The following KPNA1 variants were observed in gnomAD, a reference collection of about 807,000 sequenced individuals.
KPNA1 encodes karyopherin subunit alpha 1.
A neutral mutation model predicts 70.5 loss-of-function variants in KPNA1; 10 were observed. The ratio of observed to expected loss-of-function variants is 0.14; its 90% confidence interval spans 0.09 to 0.24. The LOEUF (loss-of-function observed/expected upper bound fraction) is 0.24. KPNA1 is among the 10% of genes least tolerant of loss of function. The pLI is 1.00. For synonymous variants in KPNA1, 192 were observed against 221.9 expected (o/e 0.87, Z 1.20); for missense variants, 397 against 637.9 (o/e 0.62, Z 4.07).
chr3:122,486,975 T>C (rs1407931372), intron 2 of KPNA1, among the ~76,000 whole-genome samples: 1 of 152,186 alleles, frequency 6.6e-6, no homozygotes, highest in Non-Finnish European at 1.5e-5. Context: ...ATCAAGCATT[T>C]CTCTGTCCTG....
chr3:122,451,128 C>T (rs1342969475), intron 8 of KPNA1, among the ~76,000 whole-genome samples: 1 of 151,984 alleles, frequency 6.6e-6, no homozygotes, highest in Non-Finnish European at 1.5e-5. Flanking sequence ...ACCACCTGTT[C>T]CCCAAAAACC....
At chr3:122,429,231 ACCTGAGGTC>A (rs2075864755) in intron 12 of KPNA1, among the ~76,000 whole-genome samples, 1 of 152,110 alleles carries the variant, frequency 6.6e-6, no homozygotes, top group Non-Finnish European at 1.5e-5. Context: ...CGGGTGGATC[ACCTGAGGTC>A]AGGAGTTCAA....
At chr3:122,453,726 G>A (rs1022977247) in intron 6 of KPNA1, 144 bp downstream of exon 6, 10 of 614,686 alleles carry the variant, frequency 1.6e-5, no homozygotes, top group Admixed American at 3.7e-5. Flanking sequence ...TAGTAGAGAC[G>A]GGATTTCACC....
intron 1 of KPNA1, among the ~76,000 whole-genome samples, chr3:122,511,226 C>T (rs2076951306): frequency 6.6e-6 from 1 of 152,184 alleles, no homozygotes; most frequent in Admixed American, 6.5e-5. Flanking sequence ...TGACCCCAAG[C>T]TGCCTATTCT....
chr3:122,470,145 T>C (rs2076424539), intron 2 of KPNA1, among the ~76,000 whole-genome samples: 1 of 152,224 alleles, frequency 6.6e-6, no homozygotes, highest in Non-Finnish European at 1.5e-5. Flanking sequence ...AAAATTTTGT[T>C]TAAAATAGCA....
chr3:122,496,348 A>ACACACACACT (rs958829617), intron 2 of KPNA1, 89 bp downstream of exon 2: 2 of 1,193,552 alleles, frequency 1.7e-6, no homozygotes, highest in African/African-American at 1.5e-5. Context: ...ACACACACAC[A>ACACACACACT]CCCCAACTTT....
intron 2 of KPNA1, among the ~76,000 whole-genome samples, chr3:122,468,857 T>C (rs1193388953): frequency 2.0e-5 from 3 of 152,148 alleles, no homozygotes; most frequent in African/African-American, 4.8e-5. Context: ...GCTAAGGAAA[T>C]AATCTCTGAG....
At chr3:122,427,903 T>C (rs1319351797) in intron 12 of KPNA1, among the ~76,000 whole-genome samples, 187 bp from the exon 13 acceptor site, 2 of 152,126 alleles carry the variant, frequency 1.3e-5, no homozygotes, top group East Asian at 1.9e-4. Flanking sequence ...AAATAAATTA[T>C]CCCAAACCAG....
intron 3 of KPNA1, among the ~76,000 whole-genome samples, chr3:122,466,244 A>G (rs2076378743): frequency 7.0e-6 from 1 of 142,536 alleles, no homozygotes; most frequent in African/African-American, 2.5e-5. Flanking sequence ...GCCACCATTT[A>G]CCAAAAAAAA....
At chr3:122,460,474 T>C (rs2076311531) in intron 5 of KPNA1, 3 of 251,724 alleles carry the variant, frequency 1.2e-5, no homozygotes, top group Non-Finnish European at 1.9e-5. Flanking sequence ...TCATCTCTAC[T>C]AAAAATAAAA....
chr3:122,430,417 A>G (rs1333200060), intron 12 of KPNA1, among the ~76,000 whole-genome samples: 1 of 152,130 alleles, frequency 6.6e-6, no homozygotes, highest in Non-Finnish European at 1.5e-5. Flanking sequence ...TTAGCCTATG[A>G]TAAAATTGGT....
intron 5 of KPNA1, 58 bp from the exon 6 acceptor site, chr3:122,454,059 A>G (rs2076240741): frequency 1.6e-6 from 2 of 1,228,662 alleles, no homozygotes; most frequent in Admixed American, 2.5e-5. Context: ...TTGTTTACTT[A>G]TAACAGTAAC....
chr3:122,496,390 G>A (rs755298011), intron 2 of KPNA1, 47 bp downstream of exon 2: 17 of 1,565,602 alleles, frequency 1.1e-5, no homozygotes, highest in Non-Finnish European at 1.4e-5. Flanking sequence ...GGCTTAAAAT[G>A]GAACATTAAA....
chr3:122,464,485 T>C (rs1260522772), intron 3 of KPNA1, among the ~76,000 whole-genome samples: 1 of 152,202 alleles, frequency 6.6e-6, no homozygotes, highest in Non-Finnish European at 1.5e-5. Flanking sequence ...TCCTCCAGTA[T>C]ACTGTAACTT....
chr3:122,485,823 T>C (rs1389035800), intron 2 of KPNA1, among the ~76,000 whole-genome samples: 1 of 152,176 alleles, frequency 6.6e-6, no homozygotes, highest in Non-Finnish European at 1.5e-5. Context: ...TATAAGATGA[T>C]AAATATACAT....
rs1199488634 is a variant in KPNA1, at chr3:122,425,022, A to G, written c.*1963T>C. On this transcript the variant is annotated 3_prime_UTR_variant, in exon 14 of 14. Coordinates refer to ENST00000344337, the MANE Select transcript of KPNA1 (RefSeq NM_002264.4). Reference sequence around the variant, plus strand: ...CTAAAATGTTCTCTCAGCACAAAGCAGCACTAGAAAAAGTAACAGTTATAG... The same window carrying G: ...CTAAAATGTTCTCTCAGCACAAAGCGGCACTAGAAAAAGTAACAGTTATAG... The G allele has an allele frequency of 6.6e-6, 1 of 152,666 alleles. No homozygotes were observed. The highest frequency in any genetic ancestry group is 2.4e-5 in the African/African-American group (1 of 41,472). The allele number at this position is 152,666 out of a possible 1,614,324, so 9.5% of individuals were successfully genotyped here.
At chr3:122,461,059 A>G (rs577205813) in intron 5 of KPNA1, among the ~76,000 whole-genome samples, 165 bp downstream of exon 5, 1 of 152,328 alleles carries the variant, frequency 6.6e-6, no homozygotes, top group Admixed American at 6.5e-5. Context: ...GAAGGCCTAC[A>G]TGTTAACAAA....
chr3:122,428,165 TA>T (rs1251981341), intron 12 of KPNA1, among the ~76,000 whole-genome samples: 2 of 152,196 alleles, frequency 1.3e-5, no homozygotes, highest in Non-Finnish European at 2.9e-5. Flanking sequence ...GTGGGAAGAA[TA>T]AACAAATGTC....
intron 5 of KPNA1, among the ~76,000 whole-genome samples, chr3:122,459,246 A>C (rs1013577451): frequency 2.0e-5 from 3 of 152,198 alleles, no homozygotes; most frequent in African/African-American, 7.2e-5. Context: ...GAGATGGGGA[A>C]AGATCCATTT....
Sources: allele counts gnomAD v4.1 joint callset (sites outside exome capture counted in the v4.1 genomes callset), GRCh38; gene constraint gnomAD v4.1.1; transcripts MANE v1.5; gene names NCBI Gene and HGNC (gene_info 2026-07-23, HGNC 2026-07-21).